The following NRIP3 variants were observed in gnomAD, a reference collection of about 807,000 sequenced individuals.
The protein encoded by NRIP3 is nuclear receptor-interacting protein 3.
In NRIP3, 31 loss-of-function variants were observed where a neutral mutation model predicts 29.0. The observed-to-expected ratio is 1.07, with a 90% CI of 0.80 to 1.44. NRIP3 has a LOEUF of 1.44. NRIP3 is among the 40% of genes most tolerant of loss of function. The pLI is 0.00. For synonymous variants in NRIP3, 131 were observed against 118.3 expected (o/e 1.11, Z -0.70); for missense variants, 314 against 297.9 (o/e 1.05, Z -0.40).
At chr11:8,992,184 T>G (rs893220682) in intron 1 of NRIP3, among the ~76,000 whole-genome samples, 1 of 152,182 alleles carries the variant, frequency 6.6e-6, no homozygotes, top group African/African-American at 2.4e-5. Context: ...ACCTCTACAG[T>G]TGAAGGATGC....
At chr11:8,998,784 A>ATTTTTTTTT (rs767253373) in intron 1 of NRIP3, among the ~76,000 whole-genome samples, 1 of 77,570 alleles carries the variant, frequency 1.3e-5, no homozygotes, top group Non-Finnish European at 2.5e-5. Flanking sequence ...CAAACTCTTC[A>ATTTTTTTTT]TTTTTTTTTT....
rs1464369420 is a variant in NRIP3, at chr11:8,985,766, C to T, written c.507G>A (p.Glu169=). 1 of 1,614,122 alleles carries T rather than the reference C, an allele frequency of 6.2e-7. No homozygotes were observed. Among genetic ancestry groups the T allele is most frequent in the Admixed American group, 1.7e-5 (1 of 60,022 alleles). Residue 169 remains glutamate (E), a synonymous_variant, in exon 4 of 7, where the codon GAG becomes GAA. Coordinates refer to ENST00000309166, the MANE Select transcript of NRIP3 (RefSeq NM_020645.3). ...PRHLKVVGQI[E]HLVITLGSLR... ...GGGAGCCCAGTGTGATCACTAGGTG[C>T]TCAATCTGGCCCACTACTTTGAGAT...
Position 8,997,060 on chromosome 11 carries a change from AGAGT to A in NRIP3, c.174+6698_174+6701del, listed in dbSNP as rs531654844. Reference sequence around the variant, plus strand: ...GACACTGCACTTTAGCCTGGGTGACAGAGTGAGACTCTGTCTCAAAAAAAGAAAA... The same window carrying A: ...GACACTGCACTTTAGCCTGGGTGACAGAGACTCTGTCTCAAAAAAAGAAAA... On this transcript the variant is annotated intron_variant, in intron 1 of 6. Transcript: ENST00000309166. Among the ~76,000 whole-genome samples, 188 of 152,152 alleles carry A rather than the reference AGAGT, an allele frequency of 1.2e-3. 1 individual carries two copies. Among genetic ancestry groups the A allele is most frequent in the African/African-American group, 4.3e-3 (177 of 41,494 alleles).
At position 8,982,340 on chromosome 11, in the gene NRIP3, T is replaced by C. The variant is rs1589956734; in HGVS notation, c.*1205A>G. On this transcript the variant is annotated 3_prime_UTR_variant, in exon 7 of 7. Transcript: ENST00000309166. ...ATCAGGACAGAACTGAACATCTCAA[T>C]TCCCTGCCTGAAAATGTCATTCCCT... The C allele has an allele frequency of 6.6e-6, 1 of 152,670 alleles. No individual in the cohort carries two copies. Among genetic ancestry groups the C allele is most frequent in the East Asian group, 1.9e-4 (1 of 5,190 alleles). The allele number at this position is 152,670 out of a possible 1,614,324, so 9.5% of individuals were successfully genotyped here.
In NRIP3 at chr11:8,992,899, G is replaced by A. The variant is rs527269823; in HGVS notation, c.175-4617C>T. ...TGCACTCCAGCCTGGGTGACACAGC[G>A]AGACTCCGTCTCAAAAAAAAAAAAA... On this transcript the variant is annotated intron_variant, in intron 1 of 6. Transcript: ENST00000309166. Among the ~76,000 whole-genome samples the A allele has an allele frequency of 1.2e-4, 18 of 148,646 alleles. No homozygotes were observed. In the South Asian group the frequency reaches 2.6e-3, roughly 21 times the overall value.
rs759428538 is a variant in NRIP3 at position 8,987,508 on chromosome 11, A to G, written c.422+40T>C. 11 of 1,358,848 alleles carry G rather than the reference A, an allele frequency of 8.1e-6. No homozygotes were observed. In the South Asian group the frequency reaches 1.0e-4, roughly 13 times the overall value. 84.2% of individuals were successfully genotyped at this position (1,358,848 alleles called of 1,614,324 possible). A position where few individuals can be genotyped will look rare whatever the true frequency, so the allele number is the denominator to read the frequency against. ...TAAAATAGAGTCAAGCGAAGAGTAC[A>G]GTCACATCTAAGTTCCACTCAGCAC... On this transcript the variant is annotated intron_variant, in intron 3 of 6. Transcript: ENST00000309166.
chr11:8,997,687 A>G, intron 1 of NRIP3, among the ~76,000 whole-genome samples: 1 of 152,194 alleles, frequency 6.6e-6, no homozygotes, highest in Non-Finnish European at 1.5e-5. Context: ...CAGTTCCTCA[A>G]TCTGGCACCC....
chr11:9,001,662 A>C (rs1566141636), intron 1 of NRIP3, among the ~76,000 whole-genome samples: 1 of 152,258 alleles, frequency 6.6e-6, no homozygotes, highest in Non-Finnish European at 1.5e-5. Context: ...AAAGTAAAAG[A>C]ATAATAATGT....
intron 1 of NRIP3, among the ~76,000 whole-genome samples, chr11:8,991,554 A>G (rs1018233911): frequency 5.9e-5 from 9 of 152,190 alleles, no homozygotes; most frequent in Admixed American, 5.9e-4. Flanking sequence ...TAAGTCCTAA[A>G]CCCACAAAAC....
chr11:8,986,260 A>C (rs184399160), intron 3 of NRIP3, among the ~76,000 whole-genome samples: 1 of 152,296 alleles, frequency 6.6e-6, no homozygotes, highest in Non-Finnish European at 1.5e-5. Context: ...TTCAATGTGT[A>C]ATTTTCTCAT....
intron 1 of NRIP3, among the ~76,000 whole-genome samples, chr11:9,000,991 C>G (rs574261856): frequency 8.2e-4 from 124 of 152,114 alleles, no homozygotes; most frequent in Non-Finnish European, 1.4e-3. Flanking sequence ...ATCTCTTGAG[C>G]CTGCGAGGTC....
chr11:8,985,098 G>A (rs1029168266), intron 4 of NRIP3, among the ~76,000 whole-genome samples: 8 of 150,842 alleles, frequency 5.3e-5, no homozygotes, highest in Non-Finnish European at 8.8e-5. Context: ...TGATCTGCCC[G>A]CCTTGGCCCC....
rs1470605303 is a variant in NRIP3 at position 9,003,809 on chromosome 11, G to A, written c.127C>T (p.Leu43=). ...TTCTTGAGGCCGTCCAGGGGCAGCA[G>A]GTCGGCGGAGTCCTTGTGGATGAAC... ...VQFIHKDSAD[L]LPLDGLKKLG... The change falls in exon 1 of 7, where the codon CTG becomes TTG. Residue 43 remains leucine, a synonymous_variant. Coordinates refer to ENST00000309166, the MANE Select transcript of NRIP3 (RefSeq NM_020645.3). The A allele has an allele frequency of 3.3e-6, 5 of 1,512,912 alleles. No individual in the cohort carries two copies. In the Admixed American group the frequency reaches 8.4e-5, roughly 26 times the overall value. The allele number at this position is 1,512,912 out of a possible 1,614,324, so 93.7% of individuals were successfully genotyped here. A position where few individuals can be genotyped will look rare whatever the true frequency, so the allele number is the denominator to read the frequency against.
At chr11:9,001,505 C>T (rs1165825646) in intron 1 of NRIP3, among the ~76,000 whole-genome samples, 1 of 152,194 alleles carries the variant, frequency 6.6e-6, no homozygotes, top group African/African-American at 2.4e-5. Flanking sequence ...CTGATGCTAT[C>T]CTCTCCCTTT....
chr11:8,990,817 C>T (rs1009267289), intron 1 of NRIP3, among the ~76,000 whole-genome samples: 23 of 151,634 alleles, frequency 1.5e-4, no homozygotes, highest in African/African-American at 5.3e-4. Context: ...TGAACAAATA[C>T]ATAAATAAAT....
rs1391820921 is a variant in NRIP3 at position 8,981,360 on chromosome 11, T to C, written c.*2185A>G. 2 of 150,376 alleles carry C rather than the reference T, an allele frequency of 1.3e-5. No individual in the cohort carries two copies. The highest frequency in any genetic ancestry group is 2.9e-5 in the Non-Finnish European group (2 of 67,962). The allele number at this position is 150,376 out of a possible 1,614,324, so 9.3% of individuals were successfully genotyped here. A position where few individuals can be genotyped will look rare whatever the true frequency, so the allele number is the denominator to read the frequency against. ...GCAGGTGCCTGTAGTCCCAGCTACT[T>C]GGGAGGCTGAGGCAGGAGAATGGCA... On this transcript the variant is annotated 3_prime_UTR_variant, in exon 7 of 7. Transcript: ENST00000309166.
At chr11:9,003,673 G>C in intron 1 of NRIP3, 89 bp downstream of exon 1, 1 of 1,251,690 alleles carries the variant, frequency 8.0e-7, no homozygotes, top group African/African-American at 1.6e-5. Flanking sequence ...GCCGGGCCGT[G>C]ACTCAGTGAA....
chr11:9,003,694 G>T, intron 1 of NRIP3, 68 bp downstream of exon 1: 3 of 1,336,854 alleles, frequency 2.2e-6, no homozygotes, highest in Non-Finnish European at 2.9e-6. Flanking sequence ...AGCCGCAACG[G>T]CCGGGCCTCG....
At chr11:8,988,082 CAGAAAACCCT>C in intron 2 of NRIP3, 26 bp downstream of exon 2, 1 of 1,607,294 alleles carries the variant, frequency 6.2e-7, no homozygotes, top group Non-Finnish European at 8.5e-7. Context: ...TCCTACTTTC[CAGAAAACCCT>C]GGAAAAGCTG....
Sources: gnomAD v4.1 joint callset for allele counts (sites outside exome capture counted in the v4.1 genomes callset) on GRCh38, gnomAD v4.1.1 for gene constraint, MANE v1.5 for transcripts, NCBI Gene and HGNC (gene_info 2026-07-23, HGNC 2026-07-21) for gene names.